The following ZSWIM5 variants were observed in gnomAD, a reference collection of about 807,000 sequenced individuals.
The protein encoded by ZSWIM5 is zinc finger SWIM domain-containing protein 5.
A neutral mutation model predicts 119.6 loss-of-function variants in ZSWIM5; 55 were observed. That is an observed-to-expected ratio of 0.46 (90% CI 0.37 to 0.58). The LOEUF (loss-of-function observed/expected upper bound fraction) is 0.58, where lower values mean the gene tolerates loss of function less well. Among genes scored for constraint, ZSWIM5 ranks in the 20% least tolerant of loss-of-function variants. The probability of loss-of-function intolerance (pLI) is 0.00; values close to 1 mark genes in which losing one functional copy is unlikely to be tolerated. For missense variants in ZSWIM5, 1,193 were observed against 1,512.8 expected, an observed-to-expected ratio of 0.79 and a Z score of 3.51; for synonymous variants, 537 against 606.9, an observed-to-expected ratio of 0.88 and a Z score of 1.69.
At chr1:45,193,938 G>GTGTGTGTATATATATATATATATA (rs766920512) in intron 1 of ZSWIM5, among the ~76,000 whole-genome samples, 3 of 146,210 alleles carry the variant, frequency 2.1e-5, no homozygotes, top group African/African-American at 7.6e-5. Context: ...GTGCATATGT[G>GTGTGTGTATATATATATATATATA]TATATATATA....
chr1:45,130,793 C>T (rs753755992), intron 1 of ZSWIM5, among the ~76,000 whole-genome samples: 3 of 152,178 alleles, frequency 2.0e-5, no homozygotes, highest in South Asian at 2.1e-4. Flanking sequence ...CAGCTTTATT[C>T]ATAATTCATA....
chr1:45,028,775 A>T (rs1644934918), intron 11 of ZSWIM5, among the ~76,000 whole-genome samples: 1 of 151,810 alleles, frequency 6.6e-6, no homozygotes, highest in African/African-American at 2.4e-5. Flanking sequence ...AATAAAAAAA[A>T]ATAAATAAAA....
At chr1:45,028,867 G>C (rs894583467) in intron 11 of ZSWIM5, among the ~76,000 whole-genome samples, 3 of 152,212 alleles carry the variant, frequency 2.0e-5, no homozygotes, top group African/African-American at 7.2e-5. Context: ...AGGATTACTT[G>C]AGGCCAGGAG....
intron 1 of ZSWIM5, among the ~76,000 whole-genome samples, chr1:45,123,425 G>C (rs1173939449): frequency 6.6e-6 from 1 of 151,998 alleles, no homozygotes; most frequent in Non-Finnish European, 1.5e-5. Context: ...ATACAAAGAA[G>C]AACAAAGTGG....
rs1645812554 is a variant in ZSWIM5, at chr1:45,153,936, C to A, written c.595+51820G>T. Among the ~76,000 whole-genome samples the A allele has an allele frequency of 3.3e-5, 5 of 152,208 alleles. No individual in the cohort carries two copies. The South Asian group carries it at 1.0e-3, about 32-fold the overall frequency. The stretch of plus-strand genomic sequence containing the variant: ...AAAATTAATGTACACAAATCAATAG[C>A]TCTACTATACACCAACAGTGACCAA... On this transcript the variant is annotated intron_variant, in intron 1 of 13. Coordinates refer to ENST00000359600, the MANE Select transcript of ZSWIM5 (RefSeq NM_020883.2).
chr1:45,102,737 C>A (rs1645447306), intron 1 of ZSWIM5, among the ~76,000 whole-genome samples: 2 of 151,758 alleles, frequency 1.3e-5, no homozygotes, highest in African/African-American at 4.8e-5. Context: ...TTAAAATAAG[C>A]CAGTAATTAA....
chr1:45,192,316 A>G (rs1317401696), intron 1 of ZSWIM5, among the ~76,000 whole-genome samples: 1 of 152,130 alleles, frequency 6.6e-6, no homozygotes, highest in Non-Finnish European at 1.5e-5. Flanking sequence ...GACAACCTCT[A>G]TTCTACTTCT....
chr1:45,107,983 A>G (rs996091158), intron 1 of ZSWIM5, among the ~76,000 whole-genome samples: 1 of 151,988 alleles, frequency 6.6e-6, no homozygotes, highest in Non-Finnish European at 1.5e-5. Context: ...TTTTGTAGAG[A>G]TGGGATCTCA....
chr1:45,198,444 T>C (rs1042381058), intron 1 of ZSWIM5, among the ~76,000 whole-genome samples: 5 of 152,238 alleles, frequency 3.3e-5, no homozygotes, highest in Admixed American at 6.5e-5. Context: ...ATTCAAGTCA[T>C]GTTACTTGCT....
chr1:45,132,081 T>C lies in ZSWIM5; in HGVS notation c.596-43844A>G, dbSNP rs557480904. Among the ~76,000 whole-genome samples the C allele has an allele frequency of 1.0e-3, 149 of 149,724 alleles. 1 individual carries two copies. The highest frequency in any genetic ancestry group is 3.3e-3 in the African/African-American group (134 of 41,158). ...TATAATAATAAATTATATAATAATATATAATTTTACAAACATTTTATAATT... is the reference window on the plus strand; with the variant it reads ...TATAATAATAAATTATATAATAATACATAATTTTACAAACATTTTATAATT... On this transcript the variant is annotated intron_variant, in intron 1 of 13. Transcript: ENST00000359600.
intron 1 of ZSWIM5, among the ~76,000 whole-genome samples, chr1:45,102,425 C>A (rs1244696647): frequency 6.6e-6 from 1 of 152,176 alleles, no homozygotes; most frequent in Non-Finnish European, 1.5e-5. Flanking sequence ...TCTTTTTGGA[C>A]AGCTAGTTAA....
chr1:45,132,119 C>T (rs1018148601), intron 1 of ZSWIM5, among the ~76,000 whole-genome samples: 1 of 150,254 alleles, frequency 6.7e-6, no homozygotes, highest in Non-Finnish European at 1.5e-5. Context: ...ATAATAATTT[C>T]ACTATGTATA....
intron 1 of ZSWIM5, among the ~76,000 whole-genome samples, chr1:45,192,812 A>C (rs1329630388): frequency 1.3e-5 from 2 of 151,988 alleles, no homozygotes; most frequent in African/African-American, 2.4e-5. Flanking sequence ...AACATTTGTT[A>C]TTTTCTGGCT....
Position 45,081,270 on chromosome 1 carries a change from TC to T in ZSWIM5, c.952+6610del, listed in dbSNP as rs1366215915. 3.1e-4 allele frequency among the ~76,000 whole-genome samples: 46 copies of T among 150,338 alleles called. 1 individual carries two copies. The highest frequency in any genetic ancestry group is 2.1e-4 in the Non-Finnish European group (14 of 67,518). On this transcript the variant is annotated intron_variant, in intron 2 of 13. Transcript: ENST00000359600. ...CTCCCTCTCCCTCTCCCTCTCCCTC[TC>T]CCTCTCCCCATGGTCTCCCTCTCCC...
At chr1:45,109,856 C>G (rs1054169601) in intron 1 of ZSWIM5, among the ~76,000 whole-genome samples, 28 of 151,950 alleles carry the variant, frequency 1.8e-4, no homozygotes, top group African/African-American at 6.8e-4. Flanking sequence ...TTCTCACGCT[C>G]TATGTACTAT....
intron 1 of ZSWIM5, among the ~76,000 whole-genome samples, chr1:45,156,721 TAAAAAA>T (rs763479350): frequency 8.0e-6 from 1 of 124,616 alleles, no homozygotes; most frequent in Admixed American, 8.3e-5. Flanking sequence ...TGTGGGAAGT[TAAAAAA>T]AAAAAAAAAA....
intron 10 of ZSWIM5, among the ~76,000 whole-genome samples, 159 bp downstream of exon 10, chr1:45,035,529 G>C (rs1311227655): frequency 2.0e-5 from 3 of 152,166 alleles, no homozygotes; most frequent in African/African-American, 7.2e-5. Context: ...ATGAATCCTA[G>C]ATCATATAAA....
At chr1:45,129,850 A>G (rs1454026381) in intron 1 of ZSWIM5, among the ~76,000 whole-genome samples, 1 of 152,200 alleles carries the variant, frequency 6.6e-6, no homozygotes, top group African/African-American at 2.4e-5. Context: ...TTCAGGATCA[A>G]GGGCTAAGAG....
chr1:45,100,435 G>A (rs1366670460), intron 1 of ZSWIM5, among the ~76,000 whole-genome samples: 3 of 152,152 alleles, frequency 2.0e-5, no homozygotes, highest in South Asian at 2.1e-4. Flanking sequence ...CCATGCTCGT[G>A]GATAGGAAGA....
Sources: gnomAD v4.1 joint callset for allele counts (sites outside exome capture counted in the v4.1 genomes callset) on GRCh38, gnomAD v4.1.1 for gene constraint, MANE v1.5 for transcripts, NCBI Gene and HGNC (gene_info 2026-07-23, HGNC 2026-07-21) for gene names.